CATSPER2: variants seen among roughly 807,000 people sequenced by gnomAD.
The protein encoded by CATSPER2 is cation channel sperm associated 2.
A neutral mutation model predicts 68.8 loss-of-function variants in CATSPER2; 56 were observed. The observed-to-expected ratio is 0.81, with a 90% CI of 0.66 to 1.02. CATSPER2 has a LOEUF of 1.02. Among genes scored for constraint, CATSPER2 ranks in the 50% least tolerant of loss-of-function variants. The pLI is 0.00. For missense variants in CATSPER2, 582 were observed against 642.0 expected (o/e 0.91, Z 1.01); for synonymous variants, 198 against 229.9 (o/e 0.86, Z 1.26).
In CATSPER2 at chr15:43,633,045, G is replaced by A. The variant is rs1368289885; in HGVS notation, c.1179-111C>T. On this transcript the variant is annotated intron_variant, in intron 10 of 12. Coordinates refer to ENST00000396879, the MANE Select transcript of CATSPER2 (RefSeq NM_172095.4). ...CTAAAGCTGGGGCATAAGACAATGA[G>A]GGCCAAACTACTCCCAAACTCTAAA... is the stretch of plus-strand genomic sequence containing the variant. 9 of 810,564 alleles carry A rather than the reference G, an allele frequency of 1.1e-5. 1 individual carries two copies. The highest frequency in any genetic ancestry group is 1.7e-5 in the Non-Finnish European group (9 of 521,168). The allele number at this position is 810,564 out of a possible 1,614,324, so 50.2% of individuals were successfully genotyped here. A position where few individuals can be genotyped will look rare whatever the true frequency, so the allele number is the denominator to read the frequency against.
intron 4 of CATSPER2, among the ~76,000 whole-genome samples, chr15:43,640,955 T>C (rs1283784332): frequency 1.3e-5 from 2 of 151,558 alleles, no homozygotes; most frequent in East Asian, 3.9e-4. Flanking sequence ...CCACAATCAT[T>C]AGGGTATATC....
In CATSPER2 at chr15:43,639,760, T is replaced by A; in HGVS notation, c.600A>T (p.Thr200=). The A allele has an allele frequency of 1.2e-6, 2 of 1,612,122 alleles. No homozygotes were observed. Among genetic ancestry groups the A allele is most frequent in the Non-Finnish European group, 1.7e-6 (2 of 1,178,662 alleles). The change falls in exon 6 of 13, where the codon ACA becomes ACT. Residue 200 remains threonine (T), a synonymous_variant. Transcript: ENST00000396879. Reference sequence around the variant, plus strand: ...GAAGCTGAAGCCACACCGATTGGCCTGTTACCCCTACCAATACCACAACCT... The same window carrying A: ...GAAGCTGAAGCCACACCGATTGGCCAGTTACCCCTACCAATACCACAACCT... ...LPEVVVLVGV[T]GQSVWLQLLR...
At position 43,635,425 on chromosome 15, in the gene CATSPER2, C is replaced by T; in HGVS notation, c.1122-9G>A. ...GTGACATGTTTTTTCTCCTGCAGAG[C>T]AAAAAAAAAAAAGAGCAAAGACAGT... On this transcript the variant is annotated splice_polypyrimidine_tract_variant and intron_variant, in intron 9 of 12. Coordinates refer to ENST00000396879, the MANE Select transcript of CATSPER2 (RefSeq NM_172095.4). 1 of 1,373,292 alleles carries T rather than the reference C, an allele frequency of 7.3e-7. No homozygotes were observed. Among genetic ancestry groups the T allele is most frequent in the East Asian group, 2.4e-5 (1 of 41,036 alleles). 85.1% of individuals were successfully genotyped at this position (1,373,292 alleles called of 1,614,324 possible).
At position 43,632,707 on chromosome 15, in the gene CATSPER2, T is replaced by C; in HGVS notation, c.1396+10A>G. Reference sequence around the variant, plus strand: ...TGGAAAAAACTCATTATTATAGTTCTTCGGCTCACCAATAGATTCAGAAAA... The same window carrying C: ...TGGAAAAAACTCATTATTATAGTTCCTCGGCTCACCAATAGATTCAGAAAA... On this transcript the variant is annotated intron_variant, in intron 11 of 12. Transcript: ENST00000396879. 1.9e-6 allele frequency: 3 copies of C among 1,613,294 alleles called. No homozygotes were observed. The highest frequency in any genetic ancestry group is 2.5e-6 in the Non-Finnish European group (3 of 1,179,462).
At chr15:43,633,746 C>T (rs1229119956) in intron 10 of CATSPER2, 1 of 151,494 alleles carries the variant, frequency 6.6e-6, no homozygotes, top group African/African-American at 2.4e-5. Context: ...GAGTTTGAGA[C>T]CAGCCCGGGC....
chr15:43,646,944 T>C, intron 4 of CATSPER2, 106 bp downstream of exon 4: 1 of 953,248 alleles, frequency 1.0e-6, no homozygotes, highest in South Asian at 1.3e-5. Flanking sequence ...CTCCAACTCC[T>C]GAGCTCCGGC....
intron 1 of CATSPER2, among the ~76,000 whole-genome samples, chr15:43,648,364 C>A (rs1355063026): frequency 2.0e-5 from 3 of 151,900 alleles, no homozygotes; most frequent in Non-Finnish European, 2.9e-5. Flanking sequence ...ACAAAAACAC[C>A]GCAAGAAAAA....
chr15:43,642,547 G>T (rs975537187), intron 4 of CATSPER2: 1 of 129,568 alleles, frequency 7.7e-6, no homozygotes, highest in African/African-American at 3.0e-5. Context: ...AAGAGCTGAG[G>T]ACCACATTTG....
intron 4 of CATSPER2, among the ~76,000 whole-genome samples, chr15:43,644,114 G>C (rs1451969789): frequency 6.6e-6 from 1 of 151,836 alleles, no homozygotes; most frequent in Non-Finnish European, 1.5e-5. Flanking sequence ...TAAGCCAATT[G>C]GTGTTTAAAA....
At chr15:43,641,940 C>T (rs1224883964) in intron 4 of CATSPER2, among the ~76,000 whole-genome samples, 2 of 151,982 alleles carry the variant, frequency 1.3e-5, no homozygotes, top group African/African-American at 4.8e-5. Context: ...TAAAGCGATC[C>T]GCCCGCCTTG....
chr15:43,635,173 A>C (rs1380686979), intron 10 of CATSPER2, 187 bp downstream of exon 10: 1 of 667,648 alleles, frequency 1.5e-6, no homozygotes, highest in East Asian at 2.6e-5. Context: ...TTTTCCAAAT[A>C]AGGTCACATT....
At chr15:43,639,547 G>A in intron 6 of CATSPER2, 96 bp downstream of exon 6, 7 of 1,590,690 alleles carry the variant, frequency 4.4e-6, no homozygotes, top group Non-Finnish European at 4.3e-6. Flanking sequence ...TTACAGGCGT[G>A]AGCCACCGCA....
chr15:43,645,856 A>C (rs2086154131), intron 4 of CATSPER2, among the ~76,000 whole-genome samples: 1 of 151,978 alleles, frequency 6.6e-6, no homozygotes, highest in South Asian at 2.1e-4. Flanking sequence ...CTGTCCTTTC[A>C]TCATTTCTGA....
intron 4 of CATSPER2, among the ~76,000 whole-genome samples, chr15:43,644,442 A>G (rs894965456): frequency 2.0e-5 from 3 of 151,944 alleles, no homozygotes; most frequent in Non-Finnish European, 2.9e-5. Flanking sequence ...CTGTTTTACC[A>G]AATAGAATAG....
At chr15:43,640,962 T>C (rs1595979732) in intron 4 of CATSPER2, among the ~76,000 whole-genome samples, 1 of 151,590 alleles carries the variant, frequency 6.6e-6, no homozygotes, top group Non-Finnish European at 1.5e-5. Context: ...CATTAGGGTA[T>C]ATCGAATTAT....
Position 43,636,127 on chromosome 15 carries a change from A to C in CATSPER2, c.935T>G (p.Val312Gly). ...ATAGATGCTGCTGAAGATGCGACTG[A>C]CTTCAGGCACCTTCCAGACGTCCTG... ...LLQDVWKVPEVSRIFSSIYFI... is the reference protein window; with the variant it reads ...LLQDVWKVPEGSRIFSSIYFI... The change falls in exon 8 of 13, where the codon GTC becomes GGC. Residue 312 changes from valine to glycine, a missense_variant. Transcript: ENST00000396879. 6.2e-7 allele frequency: 1 copy of C among 1,605,344 alleles called. No individual in the cohort carries two copies. The highest frequency in any genetic ancestry group is 1.1e-5 in the South Asian group (1 of 90,402).
chr15:43,635,761 T>G lies in CATSPER2; in HGVS notation c.1087A>C (p.Lys363Gln). ...ATCTGCCGCTTGAACATGTCAGCTT[T>G]GAGCTGAACCTCCCGACGCGCCATC... ...EEMARREVQL[K>Q]ADMFKRQIIQ... The change falls in exon 9 of 13, where the codon AAA becomes CAA. Residue 363 changes from lysine to glutamine, a missense_variant. By Grantham distance (53) the Lys-to-Gln change is moderately conservative. Around this residue, in one of 5 missense-constraint regions of CATSPER2, gnomAD observed 235 missense variants for 264.2 expected, o/e 0.89. Coordinates refer to ENST00000396879, the MANE Select transcript of CATSPER2 (RefSeq NM_172095.4). 6.2e-7 allele frequency: 1 copy of G among 1,613,574 alleles called. No homozygotes were observed. The highest frequency in any genetic ancestry group is 8.5e-7 in the Non-Finnish European group (1 of 1,179,764).
chr15:43,641,697 C>A (rs2447208), intron 4 of CATSPER2, among the ~76,000 whole-genome samples: 11 of 151,610 alleles, frequency 7.3e-5, no homozygotes, highest in Admixed American at 5.9e-4. Flanking sequence ...AATGGAGTTA[C>A]GCTATACTTA....
chr15:43,634,633 C>T (rs2085932551), intron 10 of CATSPER2: 1 of 152,496 alleles, frequency 6.6e-6, no homozygotes, highest in Non-Finnish European at 1.5e-5. Flanking sequence ...CTTGCCTTCA[C>T]CTCTCAAAGT....
Sources: allele counts gnomAD v4.1 joint callset (sites outside exome capture counted in the v4.1 genomes callset), GRCh38; gene constraint gnomAD v4.1.1; regional missense constraint gnomAD v4.1.1; transcripts MANE v1.5; gene names NCBI Gene and HGNC (gene_info 2026-07-23, HGNC 2026-07-21).